The following ATG10 variants were observed in gnomAD, a reference collection of about 807,000 sequenced individuals.
ATG10 encodes ubiquitin-like-conjugating enzyme ATG10.
In ATG10, 30 loss-of-function variants were observed where a neutral mutation model predicts 32.1. That is an observed-to-expected ratio of 0.94 (90% CI 0.70 to 1.27). The LOEUF is 1.27. Ranked by LOEUF, ATG10 falls within the 50% of genes most tolerant of loss-of-function variation. The probability of loss-of-function intolerance (pLI) is 0.00; values close to 1 mark genes in which losing one functional copy is unlikely to be tolerated. For synonymous variants in ATG10, 87 were observed against 91.5 expected (o/e 0.95, Z 0.28); for missense variants, 233 against 262.3 (o/e 0.89, Z 0.77).
intron 3 of ATG10, among the ~76,000 whole-genome samples, chr5:82,137,471 C>T (rs547913685): frequency 8.5e-5 from 13 of 152,316 alleles, no homozygotes; most frequent in East Asian, 7.7e-4. Context: ...CAGTCAAGCC[C>T]GTCTGCTGTA....
In ATG10 at chr5:82,203,219, C is replaced by T. The variant is rs1581798850; in HGVS notation, c.453+24632C>T. Among the ~76,000 whole-genome samples the T allele has an allele frequency of 2.7e-5, 4 of 150,288 alleles. No homozygotes were observed. The East Asian group carries it at 7.8e-4, about 29-fold the overall frequency. On this transcript the variant is annotated intron_variant, in intron 5 of 7. Coordinates refer to ENST00000282185, the MANE Select transcript of ATG10 (RefSeq NM_031482.5). ...CTCCAGTCTGGGTGACAGAGCAAGACTCCATCTAAAAAAAAAAAAAAAGTA... is the reference window on the plus strand; with the variant it reads ...CTCCAGTCTGGGTGACAGAGCAAGATTCCATCTAAAAAAAAAAAAAAAGTA...
chr5:81,989,043 G>C (rs1196224393), intron 2 of ATG10, among the ~76,000 whole-genome samples: 3 of 152,058 alleles, frequency 2.0e-5, no homozygotes. Flanking sequence ...TGTTGGCCAG[G>C]CTGGTCTTGA....
At chr5:82,209,613 ATTG>A (rs752111573) in intron 5 of ATG10, among the ~76,000 whole-genome samples, 8 of 152,188 alleles carry the variant, frequency 5.3e-5, no homozygotes, top group Non-Finnish European at 8.8e-5. Context: ...AGTTTATGGT[ATTG>A]TTGTTACAGC....
intron 2 of ATG10, among the ~76,000 whole-genome samples, chr5:82,026,508 T>G (rs979519273): frequency 6.6e-6 from 1 of 152,186 alleles, no homozygotes; most frequent in African/African-American, 2.4e-5. Flanking sequence ...AACATATGTA[T>G]AATTATTTTT....
intron 2 of ATG10, among the ~76,000 whole-genome samples, chr5:82,022,126 T>G (rs1156418719): frequency 1.1e-4 from 16 of 148,934 alleles, no homozygotes; most frequent in African/African-American, 4.0e-4. Context: ...GAGGTGGAGG[T>G]TGCAGTGAGC....
intron 5 of ATG10, among the ~76,000 whole-genome samples, chr5:82,200,332 A>G (rs1369704729): frequency 2.0e-5 from 3 of 152,128 alleles, no homozygotes; most frequent in Admixed American, 6.6e-5. Flanking sequence ...ATATATGTGT[A>G]GTAGTATCAT....
intron 4 of ATG10, among the ~76,000 whole-genome samples, chr5:82,167,920 G>A (rs1743645097): frequency 6.6e-6 from 1 of 152,110 alleles, no homozygotes; most frequent in Non-Finnish European, 1.5e-5. Flanking sequence ...GAGAGGTGGT[G>A]GGACACAGTT....
At chr5:81,994,479 G>C (rs1187423974) in intron 2 of ATG10, among the ~76,000 whole-genome samples, 1 of 152,194 alleles carries the variant, frequency 6.6e-6, no homozygotes, top group Admixed American at 6.5e-5. Flanking sequence ...ACTGAAGAAA[G>C]AAACCAGATC....
intron 2 of ATG10, among the ~76,000 whole-genome samples, chr5:81,994,402 A>C (rs1761601448): frequency 6.6e-6 from 1 of 152,238 alleles, no homozygotes; most frequent in East Asian, 1.9e-4. Context: ...AGAAAACAAA[A>C]AAATGTATCA....
intron 5 of ATG10, among the ~76,000 whole-genome samples, chr5:82,220,302 A>G (rs1232800743): frequency 2.6e-5 from 4 of 151,602 alleles, no homozygotes; most frequent in Admixed American, 2.0e-4. Context: ...TCGCTCTGTC[A>G]CCCAGGCTGG....
chr5:82,051,162 T>C (rs1763407172), intron 2 of ATG10, among the ~76,000 whole-genome samples: 1 of 152,100 alleles, frequency 6.6e-6, no homozygotes, highest in Admixed American at 6.6e-5. Flanking sequence ...AGAGAACAAA[T>C]GTGTTCAGTA....
At chr5:82,001,859 A>G (rs1160071376) in intron 2 of ATG10, among the ~76,000 whole-genome samples, 4 of 152,232 alleles carry the variant, frequency 2.6e-5, no homozygotes, top group African/African-American at 9.6e-5. Context: ...AATCTACAGA[A>G]TGGGAGAAAA....
chr5:82,203,396 C>A lies in ATG10; in HGVS notation c.453+24809C>A, dbSNP rs181972501. 3.0e-3 allele frequency among the ~76,000 whole-genome samples: 461 copies of A among 152,244 alleles called. 1 individual carries two copies. The highest frequency in any genetic ancestry group is 6.8e-3 in the Middle Eastern group (2 of 292). Reference sequence around the variant, plus strand: ...AGACGAAAAACCAGGTGACTTACCCCCAAAGAGGTTATTTGAATTTTGGCT... The same window carrying A: ...AGACGAAAAACCAGGTGACTTACCCACAAAGAGGTTATTTGAATTTTGGCT... On this transcript the variant is annotated intron_variant, in intron 5 of 7. Coordinates refer to ENST00000282185, the MANE Select transcript of ATG10 (RefSeq NM_031482.5).
At chr5:82,235,578 C>T (rs1169030397) in intron 5 of ATG10, among the ~76,000 whole-genome samples, 1 of 152,210 alleles carries the variant, frequency 6.6e-6, no homozygotes, top group Non-Finnish European at 1.5e-5. Context: ...CCATTATCCA[C>T]CACACTGTCA....
At position 82,189,722 on chromosome 5, in the gene ATG10, C is replaced by G. The variant is rs368497227; in HGVS notation, c.453+11135C>G. Among the ~76,000 whole-genome samples, 18 of 152,276 alleles carry G rather than the reference C, an allele frequency of 1.2e-4. No individual in the cohort carries two copies. In the East Asian group the frequency reaches 3.3e-3, roughly 28 times the overall value. ...GACTGTAACCTCCGCCTTCTGGGCT[C>G]AAGCGATTCTCCTGCCTCAGCCTCT... On this transcript the variant is annotated intron_variant, in intron 5 of 7. Coordinates refer to ENST00000282185, the MANE Select transcript of ATG10 (RefSeq NM_031482.5).
chr5:82,015,579 A>G (rs2149699954), intron 2 of ATG10, among the ~76,000 whole-genome samples: 1 of 152,082 alleles, frequency 6.6e-6, no homozygotes, highest in East Asian at 1.9e-4. Flanking sequence ...CATTCATTTG[A>G]TCTTCCATCA....
chr5:82,139,884 G>A (rs1766997068), intron 3 of ATG10, among the ~76,000 whole-genome samples: 1 of 142,936 alleles, frequency 7.0e-6, no homozygotes, highest in Non-Finnish European at 1.6e-5. Context: ...CGTCCGGGAG[G>A]GAGGTGGGGG....
chr5:82,211,677 T>C (rs1745495727), intron 5 of ATG10, among the ~76,000 whole-genome samples: 1 of 152,184 alleles, frequency 6.6e-6, no homozygotes, highest in Admixed American at 6.5e-5. Flanking sequence ...CTGTGGAAAA[T>C]CTCCAGCTCC....
intron 5 of ATG10, among the ~76,000 whole-genome samples, chr5:82,240,997 T>C (rs1026175401): frequency 2.0e-5 from 3 of 152,188 alleles, no homozygotes; most frequent in Admixed American, 6.5e-5. Context: ...ATAACTAACA[T>C]TTAACCCAGT....
Sources: allele counts gnomAD v4.1 joint callset (sites outside exome capture counted in the v4.1 genomes callset), GRCh38; gene constraint gnomAD v4.1.1; transcripts MANE v1.5; gene names NCBI Gene and HGNC (gene_info 2026-07-23, HGNC 2026-07-21).